The following ACAP1 variants were observed in gnomAD, a reference collection of about 807,000 sequenced individuals.
ACAP1 encodes arf-GAP with coiled-coil, ANK repeat and PH domain-containing protein 1.
ACAP1 carries 45 observed loss-of-function variants against 98.8 expected under a neutral mutation model. The observed-to-expected ratio is 0.46, with a 90% CI of 0.36 to 0.58. ACAP1 has a LOEUF of 0.58. ACAP1 is among the 20% of genes least tolerant of loss of function. The pLI, the probability that ACAP1 is intolerant of heterozygous loss-of-function variation, is 0.00. For synonymous variants in ACAP1, 362 were observed against 375.3 expected (o/e 0.96, Z 0.41); for missense variants, 735 against 971.4 (o/e 0.76, Z 3.24).
At position 7,347,917 on chromosome 17, in the gene ACAP1, T is replaced by G; in HGVS notation, c.1344-5T>G. 1 of 1,614,020 alleles carries G rather than the reference T, an allele frequency of 6.2e-7. No individual in the cohort carries two copies. The highest frequency in any genetic ancestry group is 8.5e-7 in the Non-Finnish European group (1 of 1,179,940). On this transcript the variant is annotated splice_region_variant and splice_polypyrimidine_tract_variant and intron_variant, in intron 14 of 21. Transcript: ENST00000158762. The stretch of plus-strand genomic sequence containing the variant: ...GGGCCTGACCCTCCCCCTCTGGCCC[T>G]CCAGGAGCCTTGGTGTTCACTTCTC...
At chr17:7,345,177 G>A (rs1175905842) in intron 10 of ACAP1, among the ~76,000 whole-genome samples, 1 of 152,054 alleles carries the variant, frequency 6.6e-6, no homozygotes, top group African/African-American at 2.4e-5. Flanking sequence ...ATTGGGAGCC[G>A]CTATAGGGTT....
Position 7,349,929 on chromosome 17 carries a change from C to G in ACAP1, c.1852-16C>G, listed in dbSNP as rs370710107. 6.3e-7 allele frequency: 1 copy of G among 1,584,170 alleles called. No individual in the cohort carries two copies. Among genetic ancestry groups the G allele is most frequent in the Non-Finnish European group, 8.6e-7 (1 of 1,162,096 alleles). Reference sequence around the variant, plus strand: ...GGATGCCACCCTCAACCCCCCTTCTCGACTTCTCCATGCAGAATTCTCTTC... The same window carrying G: ...GGATGCCACCCTCAACCCCCCTTCTGGACTTCTCCATGCAGAATTCTCTTC... On this transcript the variant is annotated splice_polypyrimidine_tract_variant and intron_variant, in intron 18 of 21. Transcript: ENST00000158762.
chr17:7,346,026 T>G (rs1229041741), intron 10 of ACAP1: 1 of 563,098 alleles, frequency 1.8e-6, no homozygotes, highest in African/African-American at 1.9e-5. Context: ...GAAAGTTGTC[T>G]TCATAACTAT....
chr17:7,343,221 T>C lies in ACAP1; in HGVS notation c.345-158T>C, dbSNP rs1385435094. The C allele has an allele frequency of 4.5e-6, 3 of 671,330 alleles. No homozygotes were observed. Among genetic ancestry groups the C allele is most frequent in the Non-Finnish European group, 2.4e-6 (1 of 409,792 alleles). The allele number at this position is 671,330 out of a possible 1,614,324, so 41.6% of individuals were successfully genotyped here. ...CCTCCCCAGTGACGGAGTTGTGAGA[T>C]TGGGGGTTTCTGGTGTCCTGACTTC... On this transcript the variant is annotated intron_variant, in intron 5 of 21. Transcript: ENST00000158762. This position sits in a 1 kb window ranked among gnomAD's most constrained non-coding sequence, Gnocchi z 4.9.
At chr17:7,348,252 TG>T (rs776376366) in intron 16 of ACAP1, 31 bp downstream of exon 16, 3 of 1,611,494 alleles carry the variant, frequency 1.9e-6, no homozygotes, top group Non-Finnish European at 2.5e-6. Context: ...CCCAGGGGAA[TG>T]GGGGACCCCT....
intron 14 of ACAP1, chr17:7,347,572 G>A (rs987636744): frequency 1.3e-5 from 7 of 519,876 alleles, no homozygotes; most frequent in Admixed American, 3.4e-5. Context: ...GCCTTAGCAA[G>A]TATCTAAGGC....
chr17:7,337,179 G>T, intron 1 of ACAP1, 133 bp from the exon 2 acceptor site: 1 of 814,484 alleles, frequency 1.2e-6, no homozygotes, highest in Non-Finnish European at 2.1e-6. Flanking sequence ...GCACAAGTAG[G>T]TGGGTGGGGG....
chr17:7,336,771 G>A lies in ACAP1; in HGVS notation c.37G>A (p.Asp13Asn). The A allele has an allele frequency of 6.2e-7, 1 of 1,613,934 alleles. No homozygotes were observed. The highest frequency in any genetic ancestry group is 8.5e-7 in the Non-Finnish European group (1 of 1,179,856). ...GCTGGATTTCGAGGAGTGTCTCAAG[G>A]ACTCACCCCGTTTCCGGTAAGTGTG... Reference protein sequence around the residue: ...VKLDFEECLKDSPRFRASIEL... With the variant: ...VKLDFEECLKNSPRFRASIEL... Residue 13 changes from aspartate to asparagine, a missense_variant, in exon 1 of 22, where the codon GAC (aspartate) becomes AAC (asparagine). By Grantham distance (23) the Asp-to-Asn change is conservative (BLOSUM62 1). This residue lies in a region of ACAP1 where 430 missense variants were observed against 531.8 expected (regional missense o/e 0.81). Transcript: ENST00000158762.
Position 7,346,350 on chromosome 17 carries a change from T to C in ACAP1, c.907-41T>C, listed in dbSNP as rs778511930. The C allele has an allele frequency of 4.3e-6, 7 of 1,613,664 alleles. No individual in the cohort carries two copies. The African/African-American group carries it at 8.0e-5, about 18-fold the overall frequency. ...GCCCCAGGGAGACTCAGCTCTTGCC[T>C]GCAGCTGGACATCTGGCCCCTTATC... On this transcript the variant is annotated intron_variant, in intron 11 of 21. Transcript: ENST00000158762.
At chr17:7,349,516 C>T (rs913123120) in intron 18 of ACAP1, 4 of 263,130 alleles carry the variant, frequency 1.5e-5, no homozygotes, top group African/African-American at 2.2e-5. Context: ...GCTGGGACTA[C>T]AGGCGCCAGC....
Position 7,344,014 on chromosome 17 carries a change from G to A in ACAP1, c.670-35G>A, listed in dbSNP as rs545264088. ...GAGGTTAGGGACTCCTAACTGGGGG[G>A]CCTTGGACATCTGAGATGCCCTTCC... is the stretch of plus-strand genomic sequence containing the variant. On this transcript the variant is annotated intron_variant, in intron 8 of 21. Transcript: ENST00000158762. The surrounding 1 kb of genome is among the most constrained non-coding windows in gnomAD (Gnocchi z 4.9). 39 of 1,577,852 alleles carry A rather than the reference G, an allele frequency of 2.5e-5. No homozygotes were observed. The highest frequency in any genetic ancestry group is 1.8e-4 in the Admixed American group (10 of 54,066).
chr17:7,349,325 A>T, intron 18 of ACAP1, 158 bp downstream of exon 18: 1 of 748,878 alleles, frequency 1.3e-6, no homozygotes, highest in Non-Finnish European at 2.0e-6. Flanking sequence ...AGAGTGTGTG[A>T]TTTGGAGGCA....
chr17:7,346,210 T>G, intron 10 of ACAP1, 34 bp from the exon 11 acceptor site: 1 of 1,607,884 alleles, frequency 6.2e-7, no homozygotes, highest in South Asian at 1.1e-5. Flanking sequence ...ATCCTAAAGC[T>G]GCCTATGTCT....
In ACAP1 at chr17:7,347,232, G is replaced by A. The variant is rs376167360; in HGVS notation, c.1333G>A (p.Gly445Ser). The change falls in exon 14 of 22, where the codon GGC becomes AGC. Residue 445 changes from glycine (G) to serine (S), a missense_variant. By Grantham distance (56) the Gly-to-Ser change is moderately conservative. This residue lies in a region of ACAP1 where 81 missense variants were observed against 132.0 expected (regional missense o/e 0.61). Coordinates refer to ENST00000158762, the MANE Select transcript of ACAP1 (RefSeq NM_014716.4). ...LGVTLCIQCS[G>S]IHRSLGVHFS... ...TGTCACCCTCTGCATTCAGTGTTCC[G>A]GCATCCACAGGTTACTCCACAAGGC... 9.3e-6 allele frequency: 15 copies of A among 1,611,812 alleles called. No individual in the cohort carries two copies. The highest frequency in any genetic ancestry group is 3.3e-5 in the Admixed American group (2 of 59,778).
chr17:7,351,176 C>T, intron 21 of ACAP1, 119 bp from the exon 22 acceptor site: 1 of 1,095,754 alleles, frequency 9.1e-7, no homozygotes, highest in Non-Finnish European at 1.3e-6. Flanking sequence ...GCAGTGCCCG[C>T]GGCGCGCACG....
chr17:7,349,255 C>T (rs912375071), intron 18 of ACAP1, 88 bp downstream of exon 18: 9 of 1,411,728 alleles, frequency 6.4e-6, no homozygotes, highest in African/African-American at 1.4e-5. Context: ...CCTTTCCCCA[C>T]CACCTGTTCC....
intron 2 of ACAP1, among the ~76,000 whole-genome samples, chr17:7,338,759 C>T (rs1023900326): frequency 3.3e-5 from 5 of 151,000 alleles, no homozygotes; most frequent in Admixed American, 6.6e-5. Context: ...GTTACCTAGG[C>T]TGGTCTGGAA....
intron 2 of ACAP1, among the ~76,000 whole-genome samples, chr17:7,337,739 A>T (rs1350810646): frequency 1.3e-5 from 2 of 152,144 alleles, no homozygotes; most frequent in East Asian, 3.8e-4. Flanking sequence ...CTGTAGCTCC[A>T]GCTACTCAAG....
chr17:7,338,354 A>C (rs2073242003), intron 2 of ACAP1, among the ~76,000 whole-genome samples: 1 of 152,018 alleles, frequency 6.6e-6, no homozygotes, highest in African/African-American at 2.4e-5. Flanking sequence ...CCCAGGTTCA[A>C]GTGATTCTCC....
Sources: allele counts gnomAD v4.1 joint callset (sites outside exome capture counted in the v4.1 genomes callset), GRCh38; gene constraint gnomAD v4.1.1; regional missense constraint gnomAD v4.1.1; non-coding constraint Gnocchi (gnomAD v3.1); transcripts MANE v1.5; gene names NCBI Gene and HGNC (gene_info 2026-07-23, HGNC 2026-07-21).